SOD2: variants seen among roughly 807,000 people sequenced by gnomAD.
SOD2 encodes the protein superoxide dismutase 2, also known as superoxide dismutase [Mn], mitochondrial.
A neutral mutation model predicts 27.0 loss-of-function variants in SOD2; 11 were observed. That is an observed-to-expected ratio of 0.41 (90% CI 0.26 to 0.67). The LOEUF is 0.67. Ranked by LOEUF, SOD2 falls within the 30% of genes least tolerant of loss-of-function variation. The pLI, the probability that SOD2 is intolerant of heterozygous loss-of-function variation, is 0.34. For missense variants in SOD2, 250 were observed against 274.5 expected (o/e 0.91, Z 0.63); for synonymous variants, 105 against 103.0 (o/e 1.02, Z -0.12).
chr6:159,692,376 T>C (rs1197258469), intron 2 of SOD2: 2 of 1,314,298 alleles, frequency 1.5e-6, no homozygotes, highest in Admixed American at 7.7e-5. Flanking sequence ...TCACCAGTGC[T>C]GGCAATATGT....
chr6:159,744,549 A>G (rs1007682205), intron 1 of SOD2, among the ~76,000 whole-genome samples: 1 of 152,194 alleles, frequency 6.6e-6, no homozygotes. Context: ...TTTTGCCAAT[A>G]GAATGTTCCT....
rs1779856080 is a variant in SOD2, at chr6:159,679,442, T to C, written c.*3051A>G. ...GACTCAATATACATAGATTTTAACTTTATGGTTTGGTATTACTTTTTTAAA... is the reference window on the plus strand; with the variant it reads ...GACTCAATATACATAGATTTTAACTCTATGGTTTGGTATTACTTTTTTAAA... On this transcript the variant is annotated 3_prime_UTR_variant, in exon 5 of 5. Transcript: ENST00000538183. 2 of 152,242 alleles carry C rather than the reference T, an allele frequency of 1.3e-5. No homozygotes were observed. Among genetic ancestry groups the C allele is most frequent in the Admixed American group, 1.3e-4 (2 of 15,290 alleles). The allele number at this position is 152,242 out of a possible 1,614,324, so 9.4% of individuals were successfully genotyped here.
upstream of SOD2, among the ~76,000 whole-genome samples, chr6:159,747,365 C>T (rs112720094): frequency 5.9e-5 from 9 of 152,202 alleles, no homozygotes; most frequent in South Asian, 2.1e-4. Context: ...ATTGTAGTCC[C>T]GCTATGGCAC....
Position 159,692,864 on chromosome 6 carries a change from C to T in SOD2, c.24-1G>A. The T allele has an allele frequency of 6.2e-7, 1 of 1,601,434 alleles. No individual in the cohort carries two copies. The highest frequency in any genetic ancestry group is 8.5e-7 in the Non-Finnish European group (1 of 1,175,090). ...AACCGGAGCCAGCTGCCTGCTGGTG[C>T]TGAAGACGAGAAAGCACAGCCCGGT... On this transcript the variant is annotated splice_acceptor_variant, in intron 1 of 4. Transcript: ENST00000538183. LOFTEE classifies it high-confidence loss of function.
chr6:159,697,149 T>A (rs1213537776), upstream of SOD2, among the ~76,000 whole-genome samples: 1 of 151,958 alleles, frequency 6.6e-6, no homozygotes, highest in Non-Finnish European at 1.5e-5. Flanking sequence ...AAAATGAGTT[T>A]AAAAAAATCG....
chr6:159,706,260 C>T (rs971936628), intron 1 of SOD2, among the ~76,000 whole-genome samples: 1 of 152,162 alleles, frequency 6.6e-6, no homozygotes, highest in Non-Finnish European at 1.5e-5. Context: ...CAAATTCACA[C>T]ATAATAATAT....
At chr6:159,713,792 G>A (rs950854429) in intron 1 of SOD2, 13 of 986,654 alleles carry the variant, frequency 1.3e-5, no homozygotes, top group Non-Finnish European at 2.0e-5. Context: ...AGCCAATTTC[G>A]CTTCATCTGC....
rs954973717 is a variant in SOD2, at chr6:159,679,898, A to T, written c.*2595T>A. On this transcript the variant is annotated 3_prime_UTR_variant, in exon 5 of 5. Transcript: ENST00000538183. Reference sequence around the variant, plus strand: ...TGCCTTGGCCTCCCAAAGTGCTGGGATTACAGATGTGAGTCACCCCGCCCA... The same window carrying T: ...TGCCTTGGCCTCCCAAAGTGCTGGGTTTACAGATGTGAGTCACCCCGCCCA... The T allele has an allele frequency of 1.3e-5, 2 of 152,206 alleles. No homozygotes were observed. Among genetic ancestry groups the T allele is most frequent in the African/African-American group, 4.8e-5 (2 of 41,436 alleles). 9.4% of individuals were successfully genotyped at this position (152,206 alleles called of 1,614,324 possible).
chr6:159,744,886 C>G (rs902182042), intron 1 of SOD2, among the ~76,000 whole-genome samples: 10 of 152,146 alleles, frequency 6.6e-5, no homozygotes, highest in African/African-American at 2.4e-4. Context: ...CCCTATGTTG[C>G]CCAGGCTGGT....
chr6:159,704,548 C>T (rs1468138121), intron 1 of SOD2, among the ~76,000 whole-genome samples: 2 of 152,192 alleles, frequency 1.3e-5, no homozygotes, highest in African/African-American at 2.4e-5. Flanking sequence ...AGCCTGAGAT[C>T]GAACTCCAAG....
chr6:159,693,036 C>T, intron 1 of SOD2, 109 bp downstream of exon 1: 1 of 1,463,438 alleles, frequency 6.8e-7, no homozygotes, highest in Non-Finnish European at 9.1e-7. Flanking sequence ...CTGCAGGTGC[C>T]CCGGTCCCGC....
intron 1 of SOD2, among the ~76,000 whole-genome samples, chr6:159,720,832 G>T (rs1228691605): frequency 8.0e-6 from 1 of 125,296 alleles, no homozygotes; most frequent in South Asian, 2.8e-4. Context: ...CACTATACAG[G>T]TGTATTTTCT....
rs1453741133 is a variant in SOD2, at chr6:159,675,347, A to G, written c.*7146T>C. ...GCATCACGCTACCTGATTTCAAACT[A>G]TACTACAAGGCTGCAGTAACCAAAA... On this transcript the variant is annotated 3_prime_UTR_variant, in exon 5 of 5. Coordinates refer to ENST00000538183, the MANE Select transcript of SOD2 (RefSeq NM_000636.4). 1 of 152,228 alleles carries G rather than the reference A, an allele frequency of 6.6e-6. No homozygotes were observed. The highest frequency in any genetic ancestry group is 1.5e-5 in the Non-Finnish European group (1 of 68,058). 9.4% of individuals were successfully genotyped at this position (152,228 alleles called of 1,614,324 possible). A position where few individuals can be genotyped will look rare whatever the true frequency, so the allele number is the denominator to read the frequency against.
upstream of SOD2, among the ~76,000 whole-genome samples, chr6:159,728,203 A>G (rs1471359046): frequency 6.6e-6 from 1 of 152,248 alleles, no homozygotes; most frequent in Non-Finnish European, 1.5e-5. Context: ...GAGGAAAGAA[A>G]CTGAATTATT....
intron 1 of SOD2, among the ~76,000 whole-genome samples, chr6:159,702,009 A>G (rs923944709): frequency 1.3e-5 from 2 of 152,184 alleles, no homozygotes; most frequent in Non-Finnish European, 2.9e-5. Context: ...CCTTGTATCT[A>G]AGGTTTTTCC....
chr6:159,755,765 C>CTTTGTTTTTTTTTTTTTTTT (rs1779987903), intron 1 of SOD2: 1 of 160,626 alleles, frequency 6.2e-6, no homozygotes, highest in African/African-American at 9.0e-5. Flanking sequence ...TTTTTCTTTT[C>CTTTGTTTTTTTTTTTTTTTT]TTTTTTTTTT....
At chr6:159,726,780 C>G in intron 1 of SOD2, 1 of 1,289,024 alleles carries the variant, frequency 7.8e-7, no homozygotes, top group Non-Finnish European at 1.0e-6. Flanking sequence ...AGGAACGAAC[C>G]CAGCGGCCAG....
chr6:159,742,271 T>G, intron 1 of SOD2: 1 of 731,620 alleles, frequency 1.4e-6, no homozygotes, highest in Non-Finnish European at 2.2e-6. Context: ...GAACTGTACA[T>G]AGGCACTGTG....
At chr6:159,731,631 T>C (rs2114873490), upstream of SOD2, among the ~76,000 whole-genome samples, 1 of 152,344 alleles carries the variant, frequency 6.6e-6, no homozygotes, top group South Asian at 2.1e-4. Context: ...CAAGAAACAC[T>C]GAGTCTGTGT....
Sources: allele counts gnomAD v4.1 joint callset (sites outside exome capture counted in the v4.1 genomes callset), GRCh38; gene constraint gnomAD v4.1.1; transcripts MANE v1.5; gene names NCBI Gene and HGNC (gene_info 2026-07-23, HGNC 2026-07-21).